The following AQR variants were observed in gnomAD, a reference collection of about 807,000 sequenced individuals.
AQR encodes aquarius intron-binding spliceosomal factor.
AQR carries 61 observed loss-of-function variants against 180.5 expected under a neutral mutation model. The ratio of observed to expected loss-of-function variants is 0.34; its 90% CI spans 0.28 to 0.42. The LOEUF (loss-of-function observed/expected upper bound fraction) is 0.42, where lower values mean the gene tolerates loss of function less well. Among genes scored for constraint, AQR ranks in the 10% least tolerant of loss-of-function variants. The pLI is 1.00. For synonymous variants in AQR, 551 were observed against 588.8 expected, an observed-to-expected ratio of 0.94 and a Z score of 0.93; for missense variants, 1,281 against 1,798.3, an observed-to-expected ratio of 0.71 and a Z score of 5.20.
intron 33 of AQR, 90 bp downstream of exon 33, chr15:34,862,777 A>C: frequency 7.4e-7 from 1 of 1,347,788 alleles, no homozygotes; most frequent in Non-Finnish European, 1.0e-6. Context: ...TATCTATAAT[A>C]ATGTTCCAAG....
rs145752418 is a variant in AQR, at chr15:34,911,673, C to T, written c.1485-1360G>A. On this transcript the variant is annotated intron_variant, in intron 16 of 34. Transcript: ENST00000156471. ...GCTATTGAGTATTATGAGTTCCTTA[C>T]ATATTTTGGATATTAACTTCTAATC... Among the ~76,000 whole-genome samples the T allele has an allele frequency of 3.4e-3, 511 of 152,184 alleles. 4 individuals are homozygous for T. Among genetic ancestry groups the T allele is most frequent in the African/African-American group, 0.012 (485 of 41,540 alleles).
At chr15:34,900,528 AG>A (rs1893315851) in intron 20 of AQR, 93 bp downstream of exon 20, 1 of 1,457,190 alleles carries the variant, frequency 6.9e-7, no homozygotes, top group South Asian at 1.4e-5. Context: ...ATCCAAATAT[AG>A]TACTCAAAAC....
chr15:34,951,654 A>G (rs1446149937), intron 4 of AQR, among the ~76,000 whole-genome samples: 1 of 147,108 alleles, frequency 6.8e-6, no homozygotes, highest in African/African-American at 2.6e-5. Flanking sequence ...CTGGCAACAG[A>G]GCGAGACTGT....
intron 3 of AQR, among the ~76,000 whole-genome samples, chr15:34,958,274 G>A (rs997899277): frequency 6.6e-6 from 1 of 152,146 alleles, no homozygotes; most frequent in Admixed American, 6.5e-5. Context: ...CAGCACTTTG[G>A]GCGGTCAAAG....
rs1327025028 is a variant in AQR, at chr15:34,886,543, A to G, written c.2800T>C (p.Tyr934His). ...TATCTTACCTGGTATAAGAAGAAAT[A>G]GCCTGCAGTTTCACAGGTATATGAG... ...DASYTCETAG[Y>H]FFLYQVMSRW... The change falls in exon 25 of 35, where the codon TAT (tyrosine) becomes CAT (histidine). Residue 934 changes from tyrosine (Y) to histidine (H), a missense_variant. By Grantham distance (83) the Tyr-to-His change is moderately conservative. This residue lies in a region of AQR where 125 missense variants were observed against 185.0 expected (regional missense o/e 0.68). Transcript: ENST00000156471. 6.2e-7 allele frequency: 1 copy of G among 1,608,180 alleles called. No homozygotes were observed. Among genetic ancestry groups the G allele is most frequent in the South Asian group, 1.1e-5 (1 of 89,466 alleles).
intron 17 of AQR, among the ~76,000 whole-genome samples, chr15:34,907,146 A>G (rs1893430708): frequency 6.6e-6 from 1 of 152,224 alleles, no homozygotes; most frequent in Non-Finnish European, 1.5e-5. Context: ...AGACAGCCTA[A>G]TTGTATTTCA....
rs1419299084 is a variant in AQR, at chr15:34,874,705, G to T, written c.3397C>A (p.Leu1133Ile). 6.8e-6 allele frequency: 11 copies of T among 1,613,484 alleles called. No homozygotes were observed. Among genetic ancestry groups the T allele is most frequent in the Non-Finnish European group, 7.6e-6 (9 of 1,179,752 alleles). The change falls in exon 29 of 35, where the codon CTT becomes ATT. Residue 1133 changes from leucine (L) to isoleucine (I), a missense_variant. Transcript: ENST00000156471. ...FVRVGVPTVD[L>I]DAQGRARASL... ...GCTCTGGCTCTCCCTTGAGCATCAA[G>T]GTCAACAGTCGGAACTCCAACGCGA...
rs763265151 is a variant in AQR, at chr15:34,884,626, T to C, written c.2926A>G (p.Asn976Asp). ...TFFPFHEYFANAPQPIFKGRS... is the reference protein window; with the variant it reads ...TFFPFHEYFADAPQPIFKGRS... ...CCTTTAAAAATGGGTTGAGGAGCAT[T>C]TGCAAAGTATTCATGGAAAGGGAAG... is the stretch of plus-strand genomic sequence containing the variant. The change falls in exon 26 of 35, where the codon AAT (asparagine) becomes GAT (aspartate). Residue 976 changes from asparagine (N) to aspartate (D), a missense_variant. This residue lies in a region of AQR where 125 missense variants were observed against 185.0 expected (regional missense o/e 0.68). Transcript: ENST00000156471. 22 of 1,610,564 alleles carry C rather than the reference T, an allele frequency of 1.4e-5. No homozygotes were observed. Among genetic ancestry groups the C allele is most frequent in the African/African-American group, 1.3e-4 (10 of 74,686 alleles).
chr15:34,862,871 C>T lies in AQR; in HGVS notation c.4025G>A (p.Arg1342Lys). The T allele has an allele frequency of 6.2e-7, 1 of 1,613,444 alleles. No individual in the cohort carries two copies. The highest frequency in any genetic ancestry group is 8.5e-7 in the Non-Finnish European group (1 of 1,179,622). The change falls in exon 33 of 35, where the codon AGA becomes AAA. Residue 1342 changes from arginine (R) to lysine (K), a missense_variant. Around this residue, in one of 9 missense-constraint regions of AQR, gnomAD observed 182 missense variants for 185.3 expected, o/e 0.98. Transcript: ENST00000156471. ...AAATGAAGAAAGAAGTCCTACCTTTCTAGTAGTTGGGAAAGGTTCTGTTGG... is the reference window on the plus strand; with the variant it reads ...AAATGAAGAAAGAAGTCCTACCTTTTTAGTAGTTGGGAAAGGTTCTGTTGG... The part of the protein sequence containing the change: ...IIPTEPFPTT[R>K]KNGERPSHEV...
chr15:34,952,307 G>A (rs910471584), intron 4 of AQR, among the ~76,000 whole-genome samples: 4 of 152,204 alleles, frequency 2.6e-5, no homozygotes, highest in Non-Finnish European at 5.9e-5. Flanking sequence ...TCACAGGATT[G>A]TTGTGAGTAC....
At chr15:34,943,595 A>G (rs1483654104) in intron 6 of AQR, among the ~76,000 whole-genome samples, 1 of 152,158 alleles carries the variant, frequency 6.6e-6, no homozygotes, top group African/African-American at 2.4e-5. Context: ...ATAATCATCC[A>G]TCTATTAACA....
chr15:34,920,474 C>CTT (rs762696086), intron 13 of AQR, 40 bp from the exon 14 acceptor site: 541 of 1,417,424 alleles, frequency 3.8e-4, no homozygotes, highest in Middle Eastern at 5.3e-4. Context: ...TAGTAACTTA[C>CTT]TTCACTTCAC....
chr15:34,938,749 C>T lies in AQR; in HGVS notation c.706G>A (p.Val236Ile). The T allele has an allele frequency of 2.5e-6, 4 of 1,599,318 alleles. No individual in the cohort carries two copies. Among genetic ancestry groups the T allele is most frequent in the South Asian group, 1.1e-5 (1 of 90,126 alleles). ...AAAAAGAAGATACCAGAAAGTGGGA[C>T]TGATTTCAGCACAGAGATAAACTTC... ...IQKFISVLKS[V>I]PLSEPVTMDK... Residue 236 changes from valine to isoleucine, a missense_variant, in exon 9 of 35, where the codon GTC (valine) becomes ATC (isoleucine). Physicochemically the swap from Val to Ile is conservative, Grantham distance 29. Transcript: ENST00000156471.
intron 20 of AQR, 52 bp from the exon 21 acceptor site, chr15:34,897,757 G>A: frequency 2.5e-6 from 4 of 1,584,746 alleles, no homozygotes; most frequent in Non-Finnish European, 2.6e-6. Flanking sequence ...GATTTACTGA[G>A]TACCTATCTG....
chr15:34,963,870 G>A (rs57759752), intron 2 of AQR, among the ~76,000 whole-genome samples: 1,941 of 61,474 alleles, frequency 0.032, 57 homozygotes, highest in African/African-American at 0.076. Flanking sequence ...TCACCGTGTT[G>A]GTCAGATGGT....
intron 30 of AQR, among the ~76,000 whole-genome samples, chr15:34,873,211 T>C (rs1004274970): frequency 3.3e-5 from 5 of 152,124 alleles, no homozygotes; most frequent in Non-Finnish European, 7.4e-5. Context: ...CTTTCCAAAC[T>C]TGCCCAATTA....
chr15:34,911,651 A>G (rs1893500270), intron 16 of AQR, among the ~76,000 whole-genome samples: 1 of 152,160 alleles, frequency 6.6e-6, no homozygotes. Context: ...GTCTTCTGCT[A>G]TTGAGTATTA....
At position 34,905,820 on chromosome 15, in the gene AQR, C is replaced by T. The variant is rs189508017; in HGVS notation, c.1831+725G>A. ...TTGAATAAAGATGATTTCAAAAGAT[C>T]CTGTCCCAGAGTTCGAGACCAGCCT... On this transcript the variant is annotated intron_variant, in intron 18 of 34. Transcript: ENST00000156471. Among the ~76,000 whole-genome samples, 172 of 152,204 alleles carry T rather than the reference C, an allele frequency of 1.1e-3. No homozygotes were observed. The East Asian group carries it at 0.022, about 20-fold the overall frequency.
Position 34,890,682 on chromosome 15 carries a change from T to G in AQR, c.2572-358A>C, listed in dbSNP as rs183585683. Reference sequence around the variant, plus strand: ...CTTGGGTTACAGAGAACTGAAAAAGTTTTTGCAGTTGGAGAAAGACAATAA... The same window carrying G: ...CTTGGGTTACAGAGAACTGAAAAAGGTTTTGCAGTTGGAGAAAGACAATAA... On this transcript the variant is annotated intron_variant, in intron 23 of 34. Transcript: ENST00000156471. 5.6e-4 allele frequency among the ~76,000 whole-genome samples: 85 copies of G among 152,270 alleles called. No individual in the cohort carries two copies. The Middle Eastern group carries it at 0.01, about 18-fold the overall frequency.
Sources: gnomAD v4.1 joint callset for allele counts (sites outside exome capture counted in the v4.1 genomes callset) on GRCh38, gnomAD v4.1.1 for gene constraint, gnomAD v4.1.1 regional missense constraint, MANE v1.5 for transcripts, NCBI Gene and HGNC (gene_info 2026-07-23, HGNC 2026-07-21) for gene names.